The following ZNF385B variants were observed in gnomAD, a reference collection of about 807,000 sequenced individuals.
ZNF385B encodes zinc finger protein 533.
In ZNF385B, 23 loss-of-function variants were observed where a neutral mutation model predicts 39.2. The ratio of observed to expected loss-of-function variants is 0.59; its 90% CI spans 0.42 to 0.83. ZNF385B has a LOEUF of 0.83. ZNF385B is among the 40% of genes least tolerant of loss of function. The pLI is 0.00. For missense variants in ZNF385B, 552 were observed against 598.9 expected (o/e 0.92, Z 0.82); for synonymous variants, 205 against 222.6 (o/e 0.92, Z 0.70).
At chr2:179,541,715 G>T (rs1039196039) in intron 4 of ZNF385B, among the ~76,000 whole-genome samples, 4 of 152,106 alleles carry the variant, frequency 2.6e-5, no homozygotes, top group Admixed American at 2.0e-4. Context: ...TCTGCTTCGT[G>T]TTGTTTGTAG....
intron 3 of ZNF385B, among the ~76,000 whole-genome samples, chr2:179,704,342 T>A (rs767445209): frequency 1.3e-5 from 2 of 152,206 alleles, no homozygotes; most frequent in Admixed American, 6.5e-5. Context: ...TAAAGACATA[T>A]AGAAAAATGT....
At chr2:179,793,346 C>T (rs1354516387) in intron 1 of ZNF385B, among the ~76,000 whole-genome samples, 1 of 152,202 alleles carries the variant, frequency 6.6e-6, no homozygotes, top group South Asian at 2.1e-4. Context: ...AGGAATCCAG[C>T]TGTGGCTAAA....
Position 179,594,787 on chromosome 2 carries a change from T to C in ZNF385B, c.299-49818A>G, listed in dbSNP as rs575349856. ...TACCAAGCCATTGTCTCAGTTGATA[T>C]AGGTAAACTCTTTTTTTTTTTTTCT... On this transcript the variant is annotated intron_variant, in intron 3 of 9. Transcript: ENST00000410066. Among the ~76,000 whole-genome samples the C allele has an allele frequency of 1.1e-4, 15 of 142,488 alleles. No individual in the cohort carries two copies. In the South Asian group the frequency reaches 3.0e-3, roughly 29 times the overall value. The allele number at this position is 142,488 out of a possible 152,430, so 93.5% of individuals were successfully genotyped here.
chr2:179,607,401 CCTCA>C (rs113119181), intron 3 of ZNF385B, among the ~76,000 whole-genome samples: 1,922 of 152,208 alleles, frequency 0.013, 38 homozygotes, highest in African/African-American at 0.044. Flanking sequence ...GCACCTCCTC[CCTCA>C]CTGTCTCTCC....
chr2:179,529,490 C>T (rs1357328695), intron 4 of ZNF385B, among the ~76,000 whole-genome samples: 1 of 151,994 alleles, frequency 6.6e-6, no homozygotes, highest in African/African-American at 2.4e-5. Flanking sequence ...AGATCTGTAA[C>T]ATCTTTCAAA....
intron 1 of ZNF385B, chr2:179,814,614 GC>G: frequency 1.8e-6 from 1 of 566,582 alleles, no homozygotes; most frequent in Non-Finnish European, 3.2e-6. Context: ...GGACTGTAGG[GC>G]CCTCAATGGT....
intron 1 of ZNF385B, among the ~76,000 whole-genome samples, chr2:179,858,642 G>A (rs1320882153): frequency 6.6e-6 from 1 of 152,034 alleles, no homozygotes; most frequent in Non-Finnish European, 1.5e-5. Flanking sequence ...CAGGAATTGG[G>A]GTGGTGGCAA....
chr2:179,829,516 T>A (rs748402381), intron 1 of ZNF385B, among the ~76,000 whole-genome samples: 1 of 152,118 alleles, frequency 6.6e-6, no homozygotes, highest in Non-Finnish European at 1.5e-5. Flanking sequence ...GATATGACTT[T>A]TTTTTTCTTT....
intron 2 of ZNF385B, 52 bp from the exon 3 acceptor site, chr2:179,769,854 T>G: frequency 1.4e-6 from 2 of 1,478,260 alleles, no homozygotes; most frequent in Non-Finnish European, 1.8e-6. Flanking sequence ...TGCCTTATTT[T>G]CTAGTATGAT....
intron 3 of ZNF385B, among the ~76,000 whole-genome samples, chr2:179,639,021 C>A (rs1488282725): frequency 6.6e-6 from 1 of 151,778 alleles, no homozygotes; most frequent in African/African-American, 2.4e-5. Flanking sequence ...GAATTTGAGA[C>A]CAGCCTGGGC....
At chr2:179,490,618 TA>T (rs35391425) in intron 5 of ZNF385B, among the ~76,000 whole-genome samples, 44,682 of 148,164 alleles carry the variant, frequency 0.3, 7,087 homozygotes, top group Non-Finnish European at 0.36. Context: ...TGGAATATAG[TA>T]AAAAAAAAAA....
At chr2:179,685,219 C>T (rs11686166) in intron 3 of ZNF385B, among the ~76,000 whole-genome samples, 62,744 of 151,842 alleles carry the variant, frequency 0.41, 13,132 homozygotes, top group Admixed American at 0.47. Context: ...TTTTTTCTTT[C>T]GGTAAAAAGT....
At chr2:179,539,948 C>T (rs1187347211) in intron 4 of ZNF385B, among the ~76,000 whole-genome samples, 1 of 151,834 alleles carries the variant, frequency 6.6e-6, no homozygotes, top group Non-Finnish European at 1.5e-5. Context: ...TTATCTTCTC[C>T]CCAAACCCAA....
chr2:179,619,381 T>C (rs1297303192), intron 3 of ZNF385B, among the ~76,000 whole-genome samples: 1 of 152,198 alleles, frequency 6.6e-6, no homozygotes, highest in Non-Finnish European at 1.5e-5. Flanking sequence ...ATTACCTTCT[T>C]TACTGAGTCT....
intron 3 of ZNF385B, among the ~76,000 whole-genome samples, chr2:179,564,837 T>C (rs1433746616): frequency 6.6e-6 from 1 of 152,084 alleles, no homozygotes; most frequent in Non-Finnish European, 1.5e-5. Flanking sequence ...GTTCAACTTG[T>C]ACAAAATTAA....
intron 3 of ZNF385B, among the ~76,000 whole-genome samples, chr2:179,661,694 C>G (rs1352258793): frequency 6.6e-6 from 1 of 152,156 alleles, no homozygotes. Context: ...GAATCTAAGA[C>G]TTTTCAAACA....
intron 3 of ZNF385B, among the ~76,000 whole-genome samples, chr2:179,750,426 GT>G (rs1702604964): frequency 6.6e-6 from 1 of 152,100 alleles, no homozygotes; most frequent in African/African-American, 2.4e-5. Context: ...TCAATTCTCA[GT>G]AAGACAATGA....
intron 3 of ZNF385B, among the ~76,000 whole-genome samples, chr2:179,754,032 C>CA (rs1186953904): frequency 6.6e-6 from 1 of 152,104 alleles, no homozygotes; most frequent in Non-Finnish European, 1.5e-5. Context: ...GGAATGCTTC[C>CA]AGTTTTTGCC....
chr2:179,545,007 C>T, intron 3 of ZNF385B, 38 bp from the exon 4 acceptor site: 1 of 1,612,630 alleles, frequency 6.2e-7, no homozygotes, highest in Non-Finnish European at 8.5e-7. Flanking sequence ...CAATTTCTTG[C>T]TCACATCCAT....
Sources: gnomAD v4.1 joint callset for allele counts (sites outside exome capture counted in the v4.1 genomes callset) on GRCh38, gnomAD v4.1.1 for gene constraint, MANE v1.5 for transcripts, NCBI Gene and HGNC (gene_info 2026-07-23, HGNC 2026-07-21) for gene names.